Variants in CMTM7 observed in about 807,000 individuals in gnomAD.
CMTM7 encodes the protein CKLF-like MARVEL transmembrane domain-containing protein 7.
CMTM7 carries 7 observed loss-of-function variants against 19.3 expected under a neutral mutation model. That is an observed-to-expected ratio of 0.36 (90% confidence interval 0.21 to 0.68). The LOEUF (loss-of-function observed/expected upper bound fraction) is 0.68. CMTM7 is among the 30% of genes least tolerant of loss of function. The probability of loss-of-function intolerance (pLI) is 0.60; values close to 1 mark genes in which losing one functional copy is unlikely to be tolerated. For synonymous variants in CMTM7, 87 were observed against 99.3 expected, an observed-to-expected ratio of 0.88 and a Z score of 0.74; for missense variants, 193 against 232.6, an observed-to-expected ratio of 0.83 and a Z score of 1.11.
intron 1 of CMTM7, among the ~76,000 whole-genome samples, chr3:32,424,913 A>G (rs564468467): frequency 1.3e-5 from 2 of 152,290 alleles, no homozygotes; most frequent in Admixed American, 1.3e-4. Context: ...CCCAAAGTGC[A>G]GGGATTATAG....
rs201222044 is a variant in CMTM7 at position 32,426,086 on chromosome 3, G to A, written c.160-15754G>A. Among the ~76,000 whole-genome samples the A allele has an allele frequency of 3.4e-4, 51 of 152,226 alleles. No homozygotes were observed. In the East Asian group the frequency reaches 6.8e-3, roughly 20 times the overall value. Reference sequence around the variant, plus strand: ...CTTGAACCTGGGAGGCAGAGTTTGCGGTGAGCCAAGATCGCACCATTGCAC... The same window carrying A: ...CTTGAACCTGGGAGGCAGAGTTTGCAGTGAGCCAAGATCGCACCATTGCAC... On this transcript the variant is annotated intron_variant, in intron 1 of 4. Coordinates refer to ENST00000334983, the MANE Select transcript of CMTM7 (RefSeq NM_138410.4).
intron 1 of CMTM7, among the ~76,000 whole-genome samples, chr3:32,395,464 C>T (rs1046674669): frequency 6.6e-6 from 1 of 152,118 alleles, no homozygotes; most frequent in Admixed American, 6.5e-5. Context: ...TAAAGAGACA[C>T]TAAAGTCACA....
At chr3:32,440,306 C>T (rs1434307277) in intron 1 of CMTM7, among the ~76,000 whole-genome samples, 1 of 151,540 alleles carries the variant, frequency 6.6e-6, no homozygotes, top group Non-Finnish European at 1.5e-5. Context: ...ACTCTGGAGG[C>T]TGAGGCAAGA....
At position 32,454,114 on chromosome 3, in the gene CMTM7, C is replaced by A. The variant is rs58932970; in HGVS notation, c.515-127C>A. The A allele has an allele frequency of 5.3e-3, 5,290 of 999,760 alleles. 181 individuals are homozygous for A. The African/African-American group carries it at 0.072, about 14-fold the overall frequency. 61.9% of individuals were successfully genotyped at this position (999,760 alleles called of 1,614,324 possible). ...TTTAAAAAATGGAATAATCTCAGTGCAAGTCGGCACTGGGTGGAGGACACA... is the reference window on the plus strand; with the variant it reads ...TTTAAAAAATGGAATAATCTCAGTGAAAGTCGGCACTGGGTGGAGGACACA... On this transcript the variant is annotated intron_variant, in intron 4 of 4. Transcript: ENST00000334983.
At chr3:32,426,386 C>T (rs1449667385) in intron 1 of CMTM7, among the ~76,000 whole-genome samples, 3 of 152,218 alleles carry the variant, frequency 2.0e-5, no homozygotes, top group East Asian at 3.9e-4. Flanking sequence ...TTTAAAGCTA[C>T]ATTTTTCATA....
rs116577471 is a variant in CMTM7, at chr3:32,438,105, C to T, written c.160-3735C>T. Among the ~76,000 whole-genome samples the T allele has an allele frequency of 4.7e-3, 720 of 152,278 alleles. 3 individuals carry two copies. Among genetic ancestry groups the T allele is most frequent in the African/African-American group, 0.016 (685 of 41,550 alleles). The stretch of plus-strand genomic sequence containing the variant: ...CAGCTGCTTCACTCCGTCCTGAAGT[C>T]AGAACCCCTACCTCCAGTCCTCTCT... On this transcript the variant is annotated intron_variant, in intron 1 of 4. Transcript: ENST00000334983.
At chr3:32,442,084 CAG>C (rs1006938698) in intron 2 of CMTM7, 71 bp downstream of exon 2, 5 of 1,418,992 alleles carry the variant, frequency 3.5e-6, no homozygotes, top group Non-Finnish European at 3.9e-6. Flanking sequence ...TGAGACCTGA[CAG>C]AGTTTTTCCC....
At chr3:32,437,980 C>T (rs762474621) in intron 1 of CMTM7, among the ~76,000 whole-genome samples, 6 of 152,112 alleles carry the variant, frequency 3.9e-5, no homozygotes, top group Middle Eastern at 3.2e-3. Context: ...CAAACCGTTA[C>T]GAGAGGAGCT....
intron 1 of CMTM7, among the ~76,000 whole-genome samples, chr3:32,409,748 CAAAG>C (rs982705883): frequency 1.3e-5 from 2 of 152,150 alleles, no homozygotes; most frequent in South Asian, 2.1e-4. Context: ...AGGCAGAAGA[CAAAG>C]AAAGAAAAGA....
chr3:32,434,327 C>T (rs1696563263), intron 1 of CMTM7, among the ~76,000 whole-genome samples: 1 of 152,068 alleles, frequency 6.6e-6, no homozygotes, highest in Non-Finnish European at 1.5e-5. Context: ...ATTAGGTTCT[C>T]ACTTCGTCAC....
At chr3:32,392,266 C>T (rs895593620) in intron 1 of CMTM7, among the ~76,000 whole-genome samples, 3 of 152,178 alleles carry the variant, frequency 2.0e-5, no homozygotes, top group Non-Finnish European at 2.9e-5. Context: ...GGAGCTCAGT[C>T]CCCAGAGCCG....
intron 2 of CMTM7, among the ~76,000 whole-genome samples, chr3:32,442,350 T>C (rs1281289291): frequency 3.3e-5 from 5 of 151,236 alleles, no homozygotes; most frequent in African/African-American, 1.2e-4. Context: ...ATACAAAAAA[T>C]CAGCCGGGCG....
intron 1 of CMTM7, among the ~76,000 whole-genome samples, chr3:32,394,248 C>A (rs533217520): frequency 5.9e-5 from 9 of 152,150 alleles, no homozygotes; most frequent in African/African-American, 2.2e-4. Context: ...CATTTGTCTT[C>A]TTTGCTGGAA....
chr3:32,405,076 C>T (rs1056948981), intron 1 of CMTM7, among the ~76,000 whole-genome samples: 3 of 152,154 alleles, frequency 2.0e-5, no homozygotes, highest in Non-Finnish European at 2.9e-5. Flanking sequence ...AGCAAGAAAA[C>T]GGGCCTTCAG....
At chr3:32,394,958 A>G (rs1438820558) in intron 1 of CMTM7, among the ~76,000 whole-genome samples, 2 of 151,018 alleles carry the variant, frequency 1.3e-5, no homozygotes, top group South Asian at 2.1e-4. Flanking sequence ...TGCCTCCCAA[A>G]GCGCTGGTAT....
At chr3:32,436,067 C>T (rs1287035603) in intron 1 of CMTM7, among the ~76,000 whole-genome samples, 5 of 152,216 alleles carry the variant, frequency 3.3e-5, no homozygotes, top group Non-Finnish European at 7.3e-5. Context: ...ATTCAGAAAC[C>T]AGTGGTGCAT....
intron 1 of CMTM7, among the ~76,000 whole-genome samples, chr3:32,423,597 A>T (rs1156545743): frequency 6.6e-6 from 1 of 152,160 alleles, no homozygotes; most frequent in Non-Finnish European, 1.5e-5. Flanking sequence ...TGGAGCCCCC[A>T]GGCCCAGCAG....
chr3:32,453,348 G>A (rs1049655122), intron 4 of CMTM7, among the ~76,000 whole-genome samples: 5 of 151,968 alleles, frequency 3.3e-5, no homozygotes, highest in Admixed American at 3.3e-4. Flanking sequence ...GTATCCTTTC[G>A]ATATTTTCTC....
chr3:32,447,736 G>T (rs924849240), intron 2 of CMTM7, among the ~76,000 whole-genome samples: 1 of 152,078 alleles, frequency 6.6e-6, no homozygotes, highest in African/African-American at 2.4e-5. Context: ...GTCTGATGCA[G>T]TGTAGACACC....
Sources: allele counts gnomAD v4.1 joint callset (sites outside exome capture counted in the v4.1 genomes callset), GRCh38; gene constraint gnomAD v4.1.1; transcripts MANE v1.5; gene names NCBI Gene and HGNC (gene_info 2026-07-23, HGNC 2026-07-21).